Variants in GNB1 observed in about 807,000 individuals in gnomAD.
GNB1 encodes the protein guanine nucleotide-binding protein G(I)/G(S)/G(T) subunit beta-1.
A neutral mutation model predicts 42.9 loss-of-function variants in GNB1; 2 were observed. The ratio of observed to expected loss-of-function variants is 0.05; its 90% CI spans 0.02 to 0.15. The LOEUF (loss-of-function observed/expected upper bound fraction) is 0.15, where lower values mean the gene tolerates loss of function less well. Among genes scored for constraint, GNB1 ranks in the 10% least tolerant of loss-of-function variants. GNB1 has a pLI of 1.00. For missense variants in GNB1, 193 were observed against 462.2 expected, an observed-to-expected ratio of 0.42 and a Z score of 5.34; for synonymous variants, 183 against 174.7, an observed-to-expected ratio of 1.05 and a Z score of -0.38.
At chr1:1,799,514 T>A (rs572604702) in intron 7 of GNB1, among the ~76,000 whole-genome samples, 19 of 152,194 alleles carry the variant, frequency 1.2e-4, no homozygotes, top group Non-Finnish European at 2.5e-4. Context: ...AAAAGGGTGC[T>A]GCGTCAGACA....
At chr1:1,886,905 G>A (rs1440755530) in intron 1 of GNB1, among the ~76,000 whole-genome samples, 2 of 152,040 alleles carry the variant, frequency 1.3e-5, no homozygotes, top group Admixed American at 6.6e-5. Flanking sequence ...AGTAGAGAAG[G>A]GGTTTCACCG....
intron 3 of GNB1, among the ~76,000 whole-genome samples, chr1:1,820,172 C>T (rs1646912805): frequency 6.6e-6 from 1 of 151,916 alleles, no homozygotes; most frequent in Non-Finnish European, 1.5e-5. Context: ...GCCTGGCCAA[C>T]ATGGTGAAAC....
Position 1,790,275 on chromosome 1 carries a change from A to G in GNB1, c.699+120T>C, listed in dbSNP as rs573157485. 11 of 694,384 alleles carry G rather than the reference A, an allele frequency of 1.6e-5. No individual in the cohort carries two copies. Among genetic ancestry groups the G allele is most frequent in the Non-Finnish European group, 2.6e-5 (10 of 391,878 alleles). The allele number at this position is 694,384 out of a possible 1,614,324, so 43.0% of individuals were successfully genotyped here. A position where few individuals can be genotyped will look rare whatever the true frequency, so the allele number is the denominator to read the frequency against. On this transcript the variant is annotated intron_variant, in intron 9 of 11. Coordinates refer to ENST00000378609, the MANE Select transcript of GNB1 (RefSeq NM_002074.5). The surrounding 1 kb of genome is among the most constrained non-coding windows in gnomAD (Gnocchi z 5.4). Reference sequence around the variant, plus strand: ...GAGTTTTCTGTATCCCCATCTGTACATGAGGTTGTATAAGGATCAGAAAGG... The same window carrying G: ...GAGTTTTCTGTATCCCCATCTGTACGTGAGGTTGTATAAGGATCAGAAAGG...
rs1335533534 is a variant in GNB1 at position 1,836,615 on chromosome 1, A to G, written c.-47+2575T>C. The stretch of plus-strand genomic sequence containing the variant: ...ACCCAGGCTGGAGTGCAGTTGCACA[A>G]CCTGGACTCACTGCAACCTCCACCT... On this transcript the variant is annotated intron_variant, in intron 2 of 11. Transcript: ENST00000378609. Among the ~76,000 whole-genome samples, 6 of 152,046 alleles carry G rather than the reference A, an allele frequency of 3.9e-5. No individual in the cohort carries two copies. The South Asian group carries it at 1.2e-3, about 32-fold the overall frequency.
chr1:1,862,530 C>T (rs898058653), intron 1 of GNB1, among the ~76,000 whole-genome samples: 2 of 151,672 alleles, frequency 1.3e-5, no homozygotes, highest in Admixed American at 1.3e-4. Flanking sequence ...GGCACAATTA[C>T]GGCTCACTGC....
At chr1:1,844,050 C>T (rs1462878753) in intron 1 of GNB1, among the ~76,000 whole-genome samples, 2 of 151,972 alleles carry the variant, frequency 1.3e-5, no homozygotes, top group African/African-American at 4.8e-5. Flanking sequence ...AAAAAATTAG[C>T]TGGGCGTGGT....
chr1:1,831,282 A>G (rs1360388422), intron 2 of GNB1, among the ~76,000 whole-genome samples: 1 of 152,180 alleles, frequency 6.6e-6, no homozygotes. Flanking sequence ...GGCTGCAGTG[A>G]GCTATGATAG....
At chr1:1,809,738 G>A (rs1418451562) in intron 5 of GNB1, among the ~76,000 whole-genome samples, 1 of 152,144 alleles carries the variant, frequency 6.6e-6, no homozygotes, top group Admixed American at 6.5e-5. Flanking sequence ...GAAGGTGAGA[G>A]AAGACATGCC....
intron 7 of GNB1, among the ~76,000 whole-genome samples, chr1:1,794,599 A>G (rs1646522751): frequency 6.6e-6 from 1 of 152,230 alleles, no homozygotes; most frequent in East Asian, 1.9e-4. Context: ...AGCAAACAAC[A>G]AAAATAAAAT....
At chr1:1,811,538 C>CA (rs1194463779) in intron 5 of GNB1, among the ~76,000 whole-genome samples, 1 of 150,070 alleles carries the variant, frequency 6.7e-6, no homozygotes, top group Non-Finnish European at 1.5e-5. Context: ...ACTAAAAAGA[C>CA]AAAAAAAATT....
chr1:1,882,814 T>C lies in GNB1; in HGVS notation c.-96+8006A>G, dbSNP rs929134807. 6.0e-5 allele frequency among the ~76,000 whole-genome samples: 9 copies of C among 149,128 alleles called. No homozygotes were observed. The East Asian group carries it at 1.6e-3, about 27-fold the overall frequency. The stretch of plus-strand genomic sequence containing the variant: ...CAGGTGCCTGTAACCCCAGCTACTC[T>C]GGAGGCTGAGGCAGGAGAATTGTTT... On this transcript the variant is annotated intron_variant, in intron 1 of 11. Coordinates refer to ENST00000378609, the MANE Select transcript of GNB1 (RefSeq NM_002074.5).
At chr1:1,884,871 G>C (rs920748031) in intron 1 of GNB1, among the ~76,000 whole-genome samples, 9 of 151,336 alleles carry the variant, frequency 5.9e-5, no homozygotes, top group Admixed American at 5.3e-4. Flanking sequence ...TTTTAGCAGA[G>C]ACAGGGTTTC....
intron 1 of GNB1, among the ~76,000 whole-genome samples, chr1:1,879,142 G>A (rs868292399): frequency 6.6e-6 from 1 of 152,150 alleles, no homozygotes; most frequent in Non-Finnish European, 1.5e-5. Flanking sequence ...ATGGGGGCAG[G>A]GACAGGGTGC....
At chr1:1,840,400 C>T (rs1303819486) in intron 1 of GNB1, among the ~76,000 whole-genome samples, 3 of 152,240 alleles carry the variant, frequency 2.0e-5, no homozygotes, top group East Asian at 1.9e-4. Context: ...TAGTGGCAGG[C>T]ACCTGTAGTC....
At chr1:1,819,748 C>T (rs1268913344) in intron 3 of GNB1, among the ~76,000 whole-genome samples, 2 of 150,732 alleles carry the variant, frequency 1.3e-5, no homozygotes, top group African/African-American at 4.9e-5. Context: ...CGTCATGTTG[C>T]CTGTGGCTGG....
At chr1:1,858,039 G>A (rs1648402168) in intron 1 of GNB1, among the ~76,000 whole-genome samples, 1 of 152,198 alleles carries the variant, frequency 6.6e-6, no homozygotes. Context: ...CTGAGGACAT[G>A]CCACAAAGCA....
intron 6 of GNB1, among the ~76,000 whole-genome samples, chr1:1,804,898 G>T (rs888805891): frequency 6.6e-6 from 1 of 152,210 alleles, no homozygotes. Flanking sequence ...GGTCACTCAC[G>T]CCTGTAATCC....
rs1646389539 is a variant in GNB1, at chr1:1,785,383, A to C, written c.*1680T>G. The C allele has an allele frequency of 1.3e-5, 2 of 152,690 alleles. No homozygotes were observed. Among genetic ancestry groups the C allele is most frequent in the Non-Finnish European group, 2.9e-5 (2 of 68,070 alleles). 9.5% of individuals were successfully genotyped at this position (152,690 alleles called of 1,614,324 possible). The stretch of plus-strand genomic sequence containing the variant: ...GCTTCCTTGCAGTACACTGACTTTA[A>C]AATTAAATACAAAAGGTGGAAAGGG... On this transcript the variant is annotated 3_prime_UTR_variant, in exon 12 of 12. Transcript: ENST00000378609.
At chr1:1,849,674 T>G (rs1453762317) in intron 1 of GNB1, among the ~76,000 whole-genome samples, 1 of 152,208 alleles carries the variant, frequency 6.6e-6, no homozygotes, top group Non-Finnish European at 1.5e-5. Flanking sequence ...GTGCTGGGAT[T>G]ACAGGTATGA....
Sources: allele counts gnomAD v4.1 joint callset (sites outside exome capture counted in the v4.1 genomes callset), GRCh38; gene constraint gnomAD v4.1.1; non-coding constraint Gnocchi (gnomAD v3.1); transcripts MANE v1.5; gene names NCBI Gene and HGNC (gene_info 2026-07-23, HGNC 2026-07-21).